Variants in CLASP1 observed in about 807,000 individuals in gnomAD.
CLASP1 encodes the protein CLIP-associating protein 1.
A neutral mutation model predicts 192.3 loss-of-function variants in CLASP1; 38 were observed. The ratio of observed to expected loss-of-function variants is 0.20; its 90% CI spans 0.15 to 0.26. The LOEUF is 0.26. CLASP1 is among the 10% of genes least tolerant of loss of function. The pLI is 1.00. For synonymous variants in CLASP1, 691 were observed against 712.8 expected (o/e 0.97, Z 0.49); for missense variants, 1,433 against 1,932.5 (o/e 0.74, Z 4.85).
chr2:121,559,674 T>C (rs1226858134), intron 2 of CLASP1, among the ~76,000 whole-genome samples: 1 of 152,190 alleles, frequency 6.6e-6, no homozygotes, highest in Non-Finnish European at 1.5e-5. Flanking sequence ...ATTAGTTGGT[T>C]GCCAGAAGCT....
At chr2:121,503,305 T>C (rs990916369) in intron 7 of CLASP1, 71 bp from the exon 8 acceptor site, 5 of 902,622 alleles carry the variant, frequency 5.5e-6, no homozygotes, top group African/African-American at 5.0e-5. Context: ...AAAATGCTAA[T>C]GTGAAGTTGA....
At chr2:121,341,772 A>G (rs2149080026) in intron 39 of CLASP1, among the ~76,000 whole-genome samples, 1 of 152,348 alleles carries the variant, frequency 6.6e-6, no homozygotes, top group East Asian at 1.9e-4. Flanking sequence ...CTGATAAACC[A>G]ACTTGATCTA....
chr2:121,468,134 A>G (rs569953826), intron 9 of CLASP1, among the ~76,000 whole-genome samples: 1 of 152,188 alleles, frequency 6.6e-6, no homozygotes, highest in Admixed American at 6.5e-5. Flanking sequence ...TCTCTCTTCT[A>G]TTCCATTGGT....
At chr2:121,421,612 G>C (rs747931254) in intron 22 of CLASP1, among the ~76,000 whole-genome samples, 2 of 151,978 alleles carry the variant, frequency 1.3e-5, no homozygotes, top group African/African-American at 4.8e-5. Flanking sequence ...GCGCAATCTC[G>C]GCTCACTGCA....
At chr2:121,586,837 C>A (rs930932876) in intron 2 of CLASP1, among the ~76,000 whole-genome samples, 8 of 152,206 alleles carry the variant, frequency 5.3e-5, no homozygotes, top group Admixed American at 5.2e-4. Flanking sequence ...GTGAAGCGCA[C>A]TGCTTTCTCC....
intron 19 of CLASP1, among the ~76,000 whole-genome samples, chr2:121,440,773 A>T (rs1415038505): frequency 1.3e-5 from 2 of 152,086 alleles, no homozygotes; most frequent in Non-Finnish European, 2.9e-5. Context: ...TGACAGAGAC[A>T]AGTAGATAGA....
chr2:121,362,752 G>A (rs2149235800), intron 37 of CLASP1, among the ~76,000 whole-genome samples: 1 of 152,322 alleles, frequency 6.6e-6, no homozygotes, highest in South Asian at 2.1e-4. Flanking sequence ...TGAAATGACT[G>A]GTCCACTTAT....
At chr2:121,633,071 G>C (rs2070105317) in intron 1 of CLASP1, among the ~76,000 whole-genome samples, 1 of 146,026 alleles carries the variant, frequency 6.8e-6, no homozygotes, top group African/African-American at 2.6e-5. Flanking sequence ...GGTGACTCCA[G>C]GGAAAGAAAT....
chr2:121,354,473 T>G (rs1161863445), intron 37 of CLASP1, among the ~76,000 whole-genome samples: 3 of 152,222 alleles, frequency 2.0e-5, no homozygotes, highest in African/African-American at 7.2e-5. Context: ...AGCACGTGGC[T>G]GTGTACCTAT....
chr2:121,456,128 T>A (rs1455206951), intron 14 of CLASP1, among the ~76,000 whole-genome samples: 1 of 152,154 alleles, frequency 6.6e-6, no homozygotes, highest in Non-Finnish European at 1.5e-5. Context: ...GAGCTTGATT[T>A]AACCATTACA....
intron 21 of CLASP1, among the ~76,000 whole-genome samples, chr2:121,425,843 G>A (rs1378324277): frequency 6.6e-6 from 1 of 152,220 alleles, no homozygotes; most frequent in South Asian, 2.1e-4. Context: ...TAAATTCATC[G>A]ATTTAAAAGA....
At chr2:121,353,461 G>C (rs1388550566) in intron 37 of CLASP1, among the ~76,000 whole-genome samples, 4 of 152,170 alleles carry the variant, frequency 2.6e-5, no homozygotes, top group Non-Finnish European at 5.9e-5. Context: ...AGGTTCCTCA[G>C]CAAGGCCTAG....
intron 19 of CLASP1, among the ~76,000 whole-genome samples, chr2:121,436,156 C>T (rs1256243829): frequency 6.6e-6 from 1 of 151,814 alleles, no homozygotes; most frequent in African/African-American, 2.4e-5. Context: ...CTCAGTTTCC[C>T]TAGTAGCTGG....
At chr2:121,526,117 G>A (rs1032545794) in intron 5 of CLASP1, 197 bp from the exon 6 acceptor site, 4 of 598,688 alleles carry the variant, frequency 6.7e-6, no homozygotes, top group East Asian at 2.8e-5. Flanking sequence ...AAAACCTAGG[G>A]TGGCTTCTCC....
At chr2:121,374,920 T>G (rs1417810023) in intron 34 of CLASP1, among the ~76,000 whole-genome samples, 1 of 152,184 alleles carries the variant, frequency 6.6e-6, no homozygotes, top group African/African-American at 2.4e-5. Context: ...GGACTTGGAC[T>G]TTTGAGTTAA....
At chr2:121,531,112 T>G (rs80047862) in intron 2 of CLASP1, 26 of 637,798 alleles carry the variant, frequency 4.1e-5, no homozygotes, top group East Asian at 3.0e-4. Context: ...ACGCGTGGTT[T>G]TAGTGTCGCA....
At chr2:121,444,049 C>A (rs1337001077) in intron 19 of CLASP1, among the ~76,000 whole-genome samples, 1 of 152,160 alleles carries the variant, frequency 6.6e-6, no homozygotes, top group Non-Finnish European at 1.5e-5. Context: ...TCTATTTAGG[C>A]AGAGAAGGTT....
chr2:121,524,560 G>T (rs1469924679), intron 6 of CLASP1, among the ~76,000 whole-genome samples: 1 of 151,640 alleles, frequency 6.6e-6, no homozygotes, highest in African/African-American at 2.4e-5. Flanking sequence ...AGGTTCATGC[G>T]ATTCTTGTGC....
intron 2 of CLASP1, among the ~76,000 whole-genome samples, chr2:121,574,763 C>T (rs949337085): frequency 1.3e-5 from 2 of 151,986 alleles, no homozygotes; most frequent in South Asian, 4.1e-4. Context: ...ATGATGAAAC[C>T]CTGTCTCTAC....
Sources: gnomAD v4.1 joint callset for allele counts (sites outside exome capture counted in the v4.1 genomes callset) on GRCh38, gnomAD v4.1.1 for gene constraint, MANE v1.5 for transcripts, NCBI Gene and HGNC (gene_info 2026-07-23, HGNC 2026-07-21) for gene names.